PMS2: variants seen among roughly 807,000 people sequenced by gnomAD.
PMS2 encodes the protein mismatch repair endonuclease PMS2.
PMS2 carries 69 observed loss-of-function variants against 90.0 expected under a neutral mutation model. That is an observed-to-expected ratio of 0.77 (90% CI 0.63 to 0.94). The LOEUF (loss-of-function observed/expected upper bound fraction) is 0.94, where lower values mean the gene tolerates loss of function less well. Ranked by LOEUF, PMS2 falls within the 40% of genes least tolerant of loss-of-function variation. The probability of loss-of-function intolerance (pLI) is 0.00; values close to 1 mark genes in which losing one functional copy is unlikely to be tolerated. For missense variants in PMS2, 966 were observed against 1,040.2 expected (o/e 0.93, Z 0.98); for synonymous variants, 332 against 375.1 (o/e 0.89, Z 1.33).
chr7:5,993,440 A>C (rs1320267588), intron 8 of PMS2, among the ~76,000 whole-genome samples: 2 of 149,854 alleles, frequency 1.3e-5, no homozygotes, highest in Non-Finnish European at 3.0e-5. Context: ...TGTGTTGCTA[A>C]GATACAAACT....
chr7:6,007,917 T>G (rs1786028358), intron 1 of PMS2, among the ~76,000 whole-genome samples: 1 of 149,680 alleles, frequency 6.7e-6, no homozygotes, highest in Non-Finnish European at 1.5e-5. Context: ...CGGACTGCAG[T>G]GGCACGATCT....
Position 5,972,674 on chromosome 7 carries a change from C to G in PMS2, c.*725G>C, listed in dbSNP as rs1350059204. Among the ~76,000 whole-genome samples, 1,392 of 73,716 alleles carry G rather than the reference C, an allele frequency of 0.019. 3 individuals are homozygous for G. Among genetic ancestry groups the G allele is most frequent in the East Asian group, 0.062 (150 of 2,404 alleles). The allele number at this position is 73,716 out of a possible 152,430, so 48.4% of individuals were successfully genotyped here. Reference sequence around the variant, plus strand: ...CCGTGTTTAAAAATTTAATGTGAATCAGGGCTGAGAATCACTAACTGAAAA... The same window carrying G: ...CCGTGTTTAAAAATTTAATGTGAATGAGGGCTGAGAATCACTAACTGAAAA... On this transcript the variant is annotated 3_prime_UTR_variant, in exon 15 of 15. Transcript: ENST00000265849.
Position 5,987,427 on chromosome 7 carries a change from A to G in PMS2, c.1338T>C (p.Pro446=), listed in dbSNP as rs786203033. The G allele has an allele frequency of 1.9e-5, 31 of 1,614,104 alleles. No homozygotes were observed. The highest frequency in any genetic ancestry group is 2.5e-5 in the Non-Finnish European group (30 of 1,179,990). Residue 446 remains proline, a synonymous_variant, in exon 11 of 15, where the codon CCT becomes CCC. Transcript: ENST00000265849. The stretch of plus-strand genomic sequence containing the variant: ...ACAGCATACCCCTTTTCTGTCCTAG[A>G]GGGCTCCTTCTTGGTTCTGGAGTCT... The part of the protein sequence containing the change: ...SPKTPEPRRS[P]LGQKRGMLSS...
rs1395650223 is a variant in PMS2 at position 6,002,467 on chromosome 7, T to C, written c.523A>G (p.Arg175Gly). 1 of 1,609,610 alleles carries C rather than the reference T, an allele frequency of 6.2e-7. No homozygotes were observed. Among genetic ancestry groups the C allele is most frequent in the Non-Finnish European group, 8.5e-7 (1 of 1,178,120 alleles). The part of the protein sequence containing the change: ...TLPVRHKEFQ[R>G]NIKKEYAKMV... ...ATTTACTGTACCTTCTTAATATTCC[T>C]TTGAAATTCCTTATGGCGCACAGGT... Residue 175 changes from arginine to glycine, a missense_variant, in exon 5 of 15, where the codon AGG becomes GGG. Coordinates refer to ENST00000265849, the MANE Select transcript of PMS2 (RefSeq NM_000535.7).
intron 1 of PMS2, 22 bp downstream of exon 1, chr7:6,008,975 G>A (rs1281963213): frequency 6.2e-7 from 1 of 1,612,396 alleles, no homozygotes; most frequent in Admixed American, 1.7e-5. Flanking sequence ...GGGGACACCG[G>A]AAGACTGCGA....
chr7:5,997,787 C>T (rs1055291180), intron 6 of PMS2, among the ~76,000 whole-genome samples: 1 of 152,046 alleles, frequency 6.6e-6, no homozygotes, highest in Non-Finnish European at 1.5e-5. Flanking sequence ...TGGGCTCAAG[C>T]GATTCTCCCA....
chr7:5,977,978 G>A (rs1299386977), intron 13 of PMS2, among the ~76,000 whole-genome samples: 1 of 150,156 alleles, frequency 6.7e-6, no homozygotes, highest in Admixed American at 6.6e-5. Context: ...AAATTAGCTG[G>A]GTGTGGTGGC....
rs1175866554 is a variant in PMS2, at chr7:6,003,753, T to C, written c.290A>G (p.Asp97Gly). The change falls in exon 4 of 15, where the codon GAC becomes GGC. Residue 97 changes from aspartate (D) to glycine (G), a missense_variant. By Grantham distance (94) the Asp-to-Gly change is moderately conservative (BLOSUM62 -1). Around this residue, in one of 2 missense-constraint regions of PMS2, gnomAD observed 871 missense variants for 802.4 expected, o/e 1.09. Transcript: ENST00000265849. Reference protein sequence around the residue: ...HHTSKIQEFADLTQVETFGFR... With the variant: ...HHTSKIQEFAGLTQVETFGFR... ...GCCAAAAGTTTCAACCTGAGTTAGG[T>C]CGGCAAACTCTTGAATCTTAGATGT... is the stretch of plus-strand genomic sequence containing the variant. 3 of 1,603,584 alleles carry C rather than the reference T, an allele frequency of 1.9e-6. No homozygotes were observed. The African/African-American group carries it at 4.0e-5, about 21-fold the overall frequency.
In PMS2 at chr7:5,989,908, G is replaced by A. The variant is rs1554298786; in HGVS notation, c.1036C>T (p.Gln346Ter). The change falls in exon 10 of 15, where the codon CAA (glutamine) becomes TAA (stop). Residue 346 changes from glutamine to a stop codon, truncating the protein, a stop_gained. Coordinates refer to ENST00000265849, the MANE Select transcript of PMS2 (RefSeq NM_000535.7). LOFTEE classifies it high-confidence loss of function. ...ACTGCCAACAAAAGCTTTTCCTCTT[G>A]TAGCAAAATTTGCCTTTTATCTGGA... ...VTPDKRQILL[Q>*]EEKLLLAVLK... 6.2e-7 allele frequency: 1 copy of A among 1,611,690 alleles called. No homozygotes were observed.
intron 8 of PMS2, among the ~76,000 whole-genome samples, chr7:5,994,670 GGAGGCT>G (rs1295084899): frequency 6.6e-6 from 1 of 151,676 alleles, no homozygotes; most frequent in East Asian, 2.0e-4. Flanking sequence ...CAGCTACTCG[GGAGGCT>G]GAGGCAGGAG....
In PMS2 at chr7:5,986,811, T is replaced by A. The variant is rs748927376; in HGVS notation, c.1954A>T (p.Ile652Phe). The change falls in exon 11 of 15, where the codon ATT becomes TTT. Residue 652 changes from isoleucine (I) to phenylalanine (F), a missense_variant. Ile to Phe is a conservative substitution (Grantham distance 21). Coordinates refer to ENST00000265849, the MANE Select transcript of PMS2 (RefSeq NM_000535.7). The stretch of plus-strand genomic sequence containing the variant: ...GCTGCTTGATTTTCTCCAGGACAAA[T>A]CTTTGCCCTAAACTTCCTGTAATTC... The part of the protein sequence containing the change: ...EQNYRKFRAK[I>F]CPGENQAAED... The A allele has an allele frequency of 2.4e-5, 39 of 1,612,470 alleles. No homozygotes were observed. Among genetic ancestry groups the A allele is most frequent in the Admixed American group, 3.3e-5 (2 of 59,838 alleles).
At chr7:6,005,703 CAATA>C (rs1785659817) in intron 2 of PMS2, among the ~76,000 whole-genome samples, 185 bp downstream of exon 2, 1 of 152,144 alleles carries the variant, frequency 6.6e-6, no homozygotes. Context: ...CGTAAGAACA[CAATA>C]AAAGCTGTTA....
chr7:5,981,510 C>T (rs1186173036), intron 12 of PMS2, among the ~76,000 whole-genome samples: 7 of 149,758 alleles, frequency 4.7e-5, no homozygotes, highest in Admixed American at 1.3e-4. Flanking sequence ...CCTCCCAAAG[C>T]TCTGGGATTA....
intron 11 of PMS2, among the ~76,000 whole-genome samples, chr7:5,983,875 C>T (rs1164016907): frequency 6.6e-6 from 1 of 151,662 alleles, no homozygotes; most frequent in Non-Finnish European, 1.5e-5. Flanking sequence ...TGGTCTTGAA[C>T]TCCCGACCTC....
chr7:6,003,586 AGTTGAGAT>A (rs1785347605), intron 4 of PMS2, 96 bp downstream of exon 4: 1 of 707,548 alleles, frequency 1.4e-6, no homozygotes. Context: ...AGAAGCTAGA[AGTTGAGAT>A]GTTGAGATAG....
Position 5,998,375 on chromosome 7 carries a change from G to A in PMS2, c.705+733C>T, listed in dbSNP as rs985499974. ...GATTACAGACGTGAGCCACTGCGCCGGGCCTTGTGATAGGCACTTTAAAAA... is the reference window on the plus strand; with the variant it reads ...GATTACAGACGTGAGCCACTGCGCCAGGCCTTGTGATAGGCACTTTAAAAA... On this transcript the variant is annotated intron_variant, in intron 6 of 14. Coordinates refer to ENST00000265849, the MANE Select transcript of PMS2 (RefSeq NM_000535.7). Among the ~76,000 whole-genome samples, 7 of 147,886 alleles carry A rather than the reference G, an allele frequency of 4.7e-5. 1 individual carries two copies. The East Asian group carries it at 6.2e-4, about 13-fold the overall frequency.
chr7:5,984,669 C>A (rs1029527096), intron 11 of PMS2, among the ~76,000 whole-genome samples: 2 of 151,594 alleles, frequency 1.3e-5, no homozygotes, highest in Non-Finnish European at 1.5e-5. Context: ...CCTGTACTCC[C>A]AGCTACTTGG....
At chr7:5,994,838 C>T (rs1784200340) in intron 8 of PMS2, among the ~76,000 whole-genome samples, 1 of 151,952 alleles carries the variant, frequency 6.6e-6, no homozygotes. Context: ...ATAACCTAAC[C>T]TACTGAATGT....
intron 8 of PMS2, among the ~76,000 whole-genome samples, chr7:5,994,071 AC>A (rs1784085147): frequency 6.6e-6 from 1 of 151,564 alleles, no homozygotes; most frequent in Non-Finnish European, 1.5e-5. Context: ...AAACACACTC[AC>A]GTATATGCAA....
Sources: gnomAD v4.1 joint callset for allele counts (sites outside exome capture counted in the v4.1 genomes callset) on GRCh38, gnomAD v4.1.1 for gene constraint, gnomAD v4.1.1 regional missense constraint, MANE v1.5 for transcripts, NCBI Gene and HGNC (gene_info 2026-07-23, HGNC 2026-07-21) for gene names.